Variants in DLGAP2 observed in about 807,000 individuals in gnomAD.
The protein encoded by DLGAP2 is DLG associated protein 2.
A neutral mutation model predicts 100.3 loss-of-function variants in DLGAP2; 26 were observed. The ratio of observed to expected loss-of-function variants is 0.26; its 90% CI spans 0.19 to 0.36. The LOEUF is 0.36. Ranked by LOEUF, DLGAP2 falls within the 10% of genes least tolerant of loss-of-function variation. The pLI, the probability that DLGAP2 is intolerant of heterozygous loss-of-function variation, is 1.00. For synonymous variants in DLGAP2, 886 were observed against 630.1 expected (o/e 1.41, Z -6.08); for missense variants, 1,858 against 1,453.2 (o/e 1.28, Z -4.53).
Position 759,781 on chromosome 8 carries a change from CT to C in DLGAP2, c.18+21957del. The stretch of plus-strand genomic sequence containing the variant: ...CATTAAGTATTTACTACCTCTTCCC[CT>C]CTCTCGATAGAATTGAAACGTTGCT... On this transcript the variant is annotated intron_variant, in intron 1 of 14. Transcript: ENST00000637795. Among the ~76,000 whole-genome samples, 2 of 152,224 alleles carry C rather than the reference CT, an allele frequency of 1.3e-5. 1 individual carries two copies. The highest frequency in any genetic ancestry group is 2.9e-5 in the Non-Finnish European group (2 of 68,040).
chr8:1,669,820 A>C (rs769413820), intron 10 of DLGAP2, 36 bp downstream of exon 10: 1 of 780,872 alleles, frequency 1.3e-6, no homozygotes. Context: ...CCGCGTCCGC[A>C]TGACTTTCAT....
chr8:1,270,240 T>A (rs1377556416), intron 3 of DLGAP2, among the ~76,000 whole-genome samples: 2 of 152,042 alleles, frequency 1.3e-5, no homozygotes, highest in Admixed American at 1.3e-4. Context: ...CTGTGAACCG[T>A]ATACACAGAA....
intron 3 of DLGAP2, among the ~76,000 whole-genome samples, chr8:1,469,311 G>A (rs539774592): frequency 5.3e-5 from 8 of 152,350 alleles, no homozygotes; most frequent in African/African-American, 1.7e-4. Flanking sequence ...TCAGCTCTGA[G>A]CTGCTCCCTG....
intron 3 of DLGAP2, among the ~76,000 whole-genome samples, chr8:1,380,674 C>T (rs141775946): frequency 1.0e-3 from 157 of 152,232 alleles, no homozygotes; most frequent in South Asian, 8.9e-3. Flanking sequence ...GTCATGTTCA[C>T]TGGGGACTCT....
chr8:1,087,571 TTC>T (rs1804017322), intron 2 of DLGAP2, among the ~76,000 whole-genome samples: 1 of 151,580 alleles, frequency 6.6e-6, no homozygotes. Context: ...TTTTTTCATG[TTC>T]TCTCTGTGCC....
At chr8:1,103,485 C>A (rs1804655895) in intron 2 of DLGAP2, among the ~76,000 whole-genome samples, 1 of 122,766 alleles carries the variant, frequency 8.1e-6, no homozygotes, top group Non-Finnish European at 1.6e-5. Flanking sequence ...ACTGGCGGGG[C>A]CTTGGTTGAC....
intron 6 of DLGAP2, among the ~76,000 whole-genome samples, chr8:1,617,221 C>G (rs918420800): frequency 2.0e-5 from 3 of 152,130 alleles, no homozygotes; most frequent in Non-Finnish European, 4.4e-5. Flanking sequence ...AGAATGAGTT[C>G]TCTTCCTTTG....
intron 6 of DLGAP2, among the ~76,000 whole-genome samples, chr8:1,590,316 C>T (rs191546531): frequency 9.8e-5 from 15 of 152,308 alleles, no homozygotes; most frequent in Non-Finnish European, 1.6e-4. Context: ...GAAGCAATCG[C>T]GTCGCCAGGA....
At chr8:1,676,027 A>C (rs11988585) in intron 10 of DLGAP2, among the ~76,000 whole-genome samples, 16,289 of 152,156 alleles carry the variant, frequency 0.11, 1,322 homozygotes, top group African/African-American at 0.23. Flanking sequence ...CAGACGTGAG[A>C]CAGCTCTATG....
intron 4 of DLGAP2, among the ~76,000 whole-genome samples, chr8:1,525,036 C>A (rs1212500150): frequency 2.0e-5 from 3 of 152,150 alleles, no homozygotes. Context: ...TTTGCCTTTA[C>A]TTTGCTTCCA....
At chr8:1,606,335 C>T (rs531788793) in intron 6 of DLGAP2, among the ~76,000 whole-genome samples, 17 of 152,108 alleles carry the variant, frequency 1.1e-4, no homozygotes, top group Admixed American at 1.3e-4. Context: ...TATGGACTTG[C>T]GCGAACATCA....
At chr8:1,121,828 G>C (rs894689691) in intron 2 of DLGAP2, among the ~76,000 whole-genome samples, 1 of 152,164 alleles carries the variant, frequency 6.6e-6, no homozygotes, top group African/African-American at 2.4e-5. Flanking sequence ...TAGAATTCAT[G>C]ACAACACATC....
chr8:1,509,382 A>G (rs1800076295), intron 4 of DLGAP2, among the ~76,000 whole-genome samples: 1 of 152,036 alleles, frequency 6.6e-6, no homozygotes, highest in African/African-American at 2.4e-5. Flanking sequence ...CACTCTGGAT[A>G]ATAAGAGCAC....
intron 2 of DLGAP2, among the ~76,000 whole-genome samples, chr8:1,156,093 C>G (rs1023658689): frequency 1.3e-5 from 2 of 152,198 alleles, no homozygotes; most frequent in Non-Finnish European, 2.9e-5. Flanking sequence ...GCTCTTGGTA[C>G]AGCCGAGCCC....
At chr8:1,311,459 G>C (rs547387825) in intron 3 of DLGAP2, among the ~76,000 whole-genome samples, 2 of 152,122 alleles carry the variant, frequency 1.3e-5, no homozygotes, top group African/African-American at 2.4e-5. Flanking sequence ...AGCTGAGCCC[G>C]ATAAAAATGG....
rs150389230 is a variant in DLGAP2, at chr8:1,091,868, G to A, written c.74-166983G>A. Among the ~76,000 whole-genome samples the A allele has an allele frequency of 5.2e-4, 77 of 148,956 alleles. 1 individual carries two copies. Among genetic ancestry groups the A allele is most frequent in the East Asian group, 4.4e-3 (22 of 5,026 alleles). ...CTGCCTTCCCCCTTTTCCCTCTTTC[G>A]CTCGTTCTGCTTTTCCTCTTCTCTA... On this transcript the variant is annotated intron_variant, in intron 2 of 14. Coordinates refer to ENST00000637795, the MANE Select transcript of DLGAP2 (RefSeq NM_001346810.2).
intron 5 of DLGAP2, among the ~76,000 whole-genome samples, chr8:1,558,301 C>G (rs1407988267): frequency 6.6e-6 from 1 of 152,190 alleles, no homozygotes; most frequent in Non-Finnish European, 1.5e-5. Flanking sequence ...GTACACTCAG[C>G]TGTAGTGTGG....
At chr8:1,495,523 C>T (rs1799519873) in intron 3 of DLGAP2, among the ~76,000 whole-genome samples, 2 of 152,196 alleles carry the variant, frequency 1.3e-5, no homozygotes, top group African/African-American at 2.4e-5. Context: ...GGTGGGTGAG[C>T]CAGGACTGCG....
chr8:1,269,485 C>T (rs1046579493), intron 3 of DLGAP2, among the ~76,000 whole-genome samples: 2 of 152,110 alleles, frequency 1.3e-5, no homozygotes, highest in African/African-American at 4.8e-5. Context: ...AGTTTTAGAT[C>T]TTCTTTGTCT....
Sources: allele counts gnomAD v4.1 joint callset (sites outside exome capture counted in the v4.1 genomes callset), GRCh38; gene constraint gnomAD v4.1.1; transcripts MANE v1.5; gene names NCBI Gene and HGNC (gene_info 2026-07-23, HGNC 2026-07-21).